The following ADRA1B variants were observed in gnomAD, a reference collection of about 807,000 sequenced individuals.
The protein encoded by ADRA1B is alpha-1B adrenergic receptor.
ADRA1B carries 17 observed loss-of-function variants against 17.9 expected under a neutral mutation model. The ratio of observed to expected loss-of-function variants is 0.95; its 90% CI spans 0.65 to 1.42. The LOEUF is 1.42. Ranked by LOEUF, ADRA1B falls within the 40% of genes most tolerant of loss-of-function variation. The pLI is 0.00. For missense variants in ADRA1B, 681 were observed against 722.1 expected (o/e 0.94, Z 0.65); for synonymous variants, 366 against 327.6 (o/e 1.12, Z -1.27).
chr5:159,865,182 A>T (rs1018495221), exon 1 of ADRA1B: 7 of 152,196 alleles, frequency 4.6e-5, no homozygotes, highest in African/African-American at 1.7e-4. Context: ...AACGGGGCGC[A>T]CTTTGGAATG....
intron 1 of ADRA1B, among the ~76,000 whole-genome samples, chr5:159,878,392 T>C (rs1051407487): frequency 7.9e-5 from 12 of 152,170 alleles, no homozygotes; most frequent in Admixed American, 3.9e-4. Flanking sequence ...GAACTCCCAC[T>C]CAGAGTAGGG....
chr5:159,884,424 T>G (rs1753901083), intron 1 of ADRA1B, among the ~76,000 whole-genome samples: 1 of 152,300 alleles, frequency 6.6e-6, no homozygotes, highest in Non-Finnish European at 1.5e-5. Context: ...TTCCTGATAA[T>G]TGGATGAGTT....
At chr5:159,967,696 A>G (rs1021434380) in intron 1 of ADRA1B, among the ~76,000 whole-genome samples, 4 of 152,208 alleles carry the variant, frequency 2.6e-5, no homozygotes, top group Admixed American at 6.5e-5. Context: ...CTGCCTAATC[A>G]GCCAAGGGCA....
intron 1 of ADRA1B, among the ~76,000 whole-genome samples, chr5:159,879,446 C>T (rs577730286): frequency 1.8e-4 from 27 of 152,272 alleles, no homozygotes; most frequent in African/African-American, 6.0e-4. Flanking sequence ...AATTCCAGCC[C>T]CCTCTCCAGC....
Position 159,951,135 on chromosome 5 carries a change from C to T in ADRA1B, c.950-20744C>T, listed in dbSNP as rs1267465118. The T allele has an allele frequency of 6.2e-5, 46 of 746,272 alleles. No individual in the cohort carries two copies. In the East Asian group the frequency reaches 1.1e-3, roughly 18 times the overall value. 46.2% of individuals were successfully genotyped at this position (746,272 alleles called of 1,614,324 possible). ...AACATGGGGGCATCAGCAGAGGGGG[C>T]AGAGATGATGACCCTTGTAGCTCCT... On this transcript the variant is annotated intron_variant, in intron 1 of 1. Transcript: ENST00000306675.
At chr5:159,950,785 T>A (rs1755415334) in intron 1 of ADRA1B, 1 of 606,412 alleles carries the variant, frequency 1.6e-6, no homozygotes, top group South Asian at 1.8e-5. Context: ...GACTGACACG[T>A]TGGTGATGTG....
Position 159,917,381 on chromosome 5 carries a change from G to A in ADRA1B, c.476G>A (p.Arg159Gln), listed in dbSNP as rs747586034. 5.0e-6 allele frequency: 8 copies of A among 1,614,114 alleles called. No individual in the cohort carries two copies. The highest frequency in any genetic ancestry group is 1.3e-5 in the African/African-American group (1 of 75,030). ...YSLQYPTLVT[R>Q]RKAILALLSV... ...CTGCAGTATCCCACGCTGGTCACCCGGAGGAAGGCCATCTTGGCGCTGCTC... is the reference window on the plus strand; with the variant it reads ...CTGCAGTATCCCACGCTGGTCACCCAGAGGAAGGCCATCTTGGCGCTGCTC... Residue 159 changes from arginine to glutamine, a missense_variant, in exon 1 of 2, where the codon CGG becomes CAG. Physicochemically the swap from Arg to Gln is conservative, Grantham distance 43. This residue lies in a region of ADRA1B where 424 missense variants were observed against 480.2 expected (regional missense o/e 0.88). Transcript: ENST00000306675.
At chr5:159,867,525 G>A (rs959616113) in intron 1 of ADRA1B, among the ~76,000 whole-genome samples, 1 of 152,014 alleles carries the variant, frequency 6.6e-6, no homozygotes, top group African/African-American at 2.4e-5. Context: ...CTTCACTCAG[G>A]TACAGCTATA....
intron 1 of ADRA1B, among the ~76,000 whole-genome samples, chr5:159,872,805 C>T (rs1262288059): frequency 1.3e-5 from 2 of 152,066 alleles, no homozygotes; most frequent in South Asian, 2.1e-4. Context: ...ATGTGCAAAA[C>T]GTTCAGGTTT....
rs371984932 is a variant in ADRA1B at position 159,966,361 on chromosome 5, C to G, written c.950-5518C>G. ...TTTTTACCTTGCTTAATCCTCACAA[C>G]AATCAGAGAGGTCAGTACTATTATT... On this transcript the variant is annotated intron_variant, in intron 1 of 1. Transcript: ENST00000306675. Among the ~76,000 whole-genome samples, 707 of 152,294 alleles carry G rather than the reference C, an allele frequency of 4.6e-3. 4 individuals are homozygous for G. Among genetic ancestry groups the G allele is most frequent in the South Asian group, 0.016 (76 of 4,828 alleles).
intron 1 of ADRA1B, among the ~76,000 whole-genome samples, chr5:159,910,768 T>C (rs1001806986): frequency 2.6e-5 from 4 of 152,184 alleles, no homozygotes; most frequent in African/African-American, 9.6e-5. Flanking sequence ...TCTCTAGAGT[T>C]TTCTAGTTCT....
At chr5:159,888,042 C>T (rs1753944295) in intron 1 of ADRA1B, 1 of 152,074 alleles carries the variant, frequency 6.6e-6, no homozygotes, top group Non-Finnish European at 1.5e-5. Context: ...ATTTATTTTT[C>T]AGGAGAAAAG....
intron 1 of ADRA1B, among the ~76,000 whole-genome samples, chr5:159,931,122 A>C (rs1754791922): frequency 6.6e-6 from 1 of 150,696 alleles, no homozygotes; most frequent in Non-Finnish European, 1.5e-5. Context: ...GGGAGCAGTG[A>C]CTCATGCCTG....
rs955323447 is a variant in ADRA1B at position 159,967,639 on chromosome 5, A to C, written c.950-4240A>C. Among the ~76,000 whole-genome samples the C allele has an allele frequency of 2.6e-5, 4 of 152,308 alleles. 1 individual carries two copies. Among genetic ancestry groups the C allele is most frequent in the Middle Eastern group, 6.8e-3 (2 of 292 alleles). ...CCAATAACTCAAGAGAGGTTTCAAT[A>C]CGGGTCTGTGTCATCCCAAGTTCTG... On this transcript the variant is annotated intron_variant, in intron 1 of 1. Transcript: ENST00000306675.
chr5:159,881,171 A>C (rs1581018377), intron 1 of ADRA1B, among the ~76,000 whole-genome samples: 1 of 116,840 alleles, frequency 8.6e-6, no homozygotes, highest in Non-Finnish European at 1.6e-5. Flanking sequence ...ACAGAGCGAG[A>C]CTCCGTCTCA....
chr5:159,962,375 ATCTG>A (rs1007233746), intron 1 of ADRA1B, among the ~76,000 whole-genome samples: 1 of 145,212 alleles, frequency 6.9e-6, no homozygotes, highest in Non-Finnish European at 1.5e-5. Context: ...TGGTGCTGCC[ATCTG>A]TCTGAGTGGT....
chr5:159,948,776 G>A (rs1034157015), intron 1 of ADRA1B, among the ~76,000 whole-genome samples: 1 of 152,120 alleles, frequency 6.6e-6, no homozygotes, highest in South Asian at 2.1e-4. Flanking sequence ...ATTTGGGGTT[G>A]TTTCCAATTT....
Position 159,972,213 on chromosome 5 carries a change from G to A in ADRA1B, c.1284G>A (p.Pro428=), listed in dbSNP as rs1755886026. ...QRTLPSASPS[P]GYLGRGAPPP... ...CCCTGCCCTCGGCCTCGCCGAGCCC[G>A]GGCTACCTGGGCCGCGGCGCGCCAC... Residue 428 remains proline, a synonymous_variant, in exon 2 of 2, where the codon CCG becomes CCA. Coordinates refer to ENST00000306675, the MANE Select transcript of ADRA1B (RefSeq NM_000679.4). 3 of 1,356,688 alleles carry A rather than the reference G, an allele frequency of 2.2e-6. No individual in the cohort carries two copies. Among genetic ancestry groups the A allele is most frequent in the East Asian group, 3.2e-5 (1 of 31,070 alleles). The allele number at this position is 1,356,688 out of a possible 1,614,324, so 84.0% of individuals were successfully genotyped here. A position where few individuals can be genotyped will look rare whatever the true frequency, so the allele number is the denominator to read the frequency against.
chr5:159,965,844 T>A (rs1251375792), intron 1 of ADRA1B, among the ~76,000 whole-genome samples: 3 of 151,444 alleles, frequency 2.0e-5, no homozygotes, highest in Admixed American at 1.3e-4. Flanking sequence ...TTTATTTATT[T>A]ATTTATTTTT....
Sources: allele counts gnomAD v4.1 joint callset (sites outside exome capture counted in the v4.1 genomes callset), GRCh38; gene constraint gnomAD v4.1.1; regional missense constraint gnomAD v4.1.1; transcripts MANE v1.5; gene names NCBI Gene and HGNC (gene_info 2026-07-23, HGNC 2026-07-21).